AXIN1: variants seen among roughly 807,000 people sequenced by gnomAD.
AXIN1 encodes the protein axin-1.
In AXIN1, 30 loss-of-function variants were observed where a neutral mutation model predicts 76.4. The observed-to-expected ratio is 0.39, with a 90% CI of 0.29 to 0.53. The LOEUF (loss-of-function observed/expected upper bound fraction) is 0.53, where lower values mean the gene tolerates loss of function less well. AXIN1 is among the 20% of genes least tolerant of loss of function. The pLI is 0.66. For synonymous variants in AXIN1, 545 were observed against 501.4 expected, an observed-to-expected ratio of 1.09 and a Z score of -1.16; for missense variants, 1,140 against 1,198.8, an observed-to-expected ratio of 0.95 and a Z score of 0.72.
chr16:304,294 G>T lies in AXIN1; in HGVS notation c.1254+10C>A. The T allele has an allele frequency of 6.2e-7, 1 of 1,610,892 alleles. No homozygotes were observed. ...CGACGCGGAGCGCGACACCGACGCG[G>T]CCCACTCACCATGCGCACGCGCTTC... is the stretch of plus-strand genomic sequence containing the variant. On this transcript the variant is annotated intron_variant, in intron 5 of 10. Transcript: ENST00000262320.
At chr16:338,836 T>C (rs2053857324) in intron 2 of AXIN1, among the ~76,000 whole-genome samples, 1 of 151,616 alleles carries the variant, frequency 6.6e-6, no homozygotes, top group Non-Finnish European at 1.5e-5. Context: ...GACTAGAGAA[T>C]CACTTGAACC....
chr16:335,982 C>G (rs1482923989), intron 2 of AXIN1, among the ~76,000 whole-genome samples: 2 of 152,210 alleles, frequency 1.3e-5, no homozygotes, highest in African/African-American at 2.4e-5. Context: ...CGCCTATAAT[C>G]CTAGCACTTT....
intron 5 of AXIN1, 131 bp downstream of exon 5, chr16:304,173 G>T: frequency 6.7e-7 from 1 of 1,481,854 alleles, no homozygotes; most frequent in Non-Finnish European, 9.2e-7. Flanking sequence ...AGGGGACTCA[G>T]CCGGGAGGCC....
intron 8 of AXIN1, chr16:291,584 C>T: frequency 2.0e-6 from 1 of 512,012 alleles, no homozygotes; most frequent in South Asian, 2.0e-5. Flanking sequence ...TGCTGGGATC[C>T]CACCACCTCA....
chr16:339,689 A>G (rs938385001), intron 2 of AXIN1, among the ~76,000 whole-genome samples: 18 of 152,174 alleles, frequency 1.2e-4, no homozygotes, highest in African/African-American at 3.9e-4. Flanking sequence ...AAAAAAAAAA[A>G]AAAATTCTCT....
chr16:320,815 C>CTACAACCTCCGACTCCTGGG (rs1555482214), intron 2 of AXIN1, among the ~76,000 whole-genome samples: 3 of 143,570 alleles, frequency 2.1e-5, no homozygotes, highest in African/African-American at 5.3e-5. Context: ...TCTCGGCTCA[C>CTACAACCTCCGACTCCTGGG]TACAACCTCC....
chr16:349,300 G>A (rs2054096594), intron 1 of AXIN1, among the ~76,000 whole-genome samples: 1 of 152,042 alleles, frequency 6.6e-6, no homozygotes, highest in Non-Finnish European at 1.5e-5. Context: ...AGTGAGCTGT[G>A]ACATCCTGCT....
Position 320,743 on chromosome 16 carries a change from A to ATATATATATATT in AXIN1, c.879-6061_879-6060insAATATATATATA, listed in dbSNP as rs397722732. Among the ~76,000 whole-genome samples the ATATATATATATT allele has an allele frequency of 1.5e-3, 163 of 107,558 alleles. 1 individual carries two copies. Among genetic ancestry groups the ATATATATATATT allele is most frequent in the African/African-American group, 6.7e-3 (146 of 21,708 alleles). The allele number at this position is 107,558 out of a possible 152,430, so 70.6% of individuals were successfully genotyped here. On this transcript the variant is annotated intron_variant, in intron 2 of 10. Coordinates refer to ENST00000262320, the MANE Select transcript of AXIN1 (RefSeq NM_003502.4). ...TGTGTGTATATATATATATATATAT[A>ATATATATATATT]TTTTTTTTTTTTTTGAGACGGAGCC... is the stretch of plus-strand genomic sequence containing the variant.
At chr16:309,744 C>G (rs950943402) in intron 4 of AXIN1, among the ~76,000 whole-genome samples, 1 of 152,220 alleles carries the variant, frequency 6.6e-6, no homozygotes, top group African/African-American at 2.4e-5. Context: ...CATGGGGGCT[C>G]TTCTGAATGA....
intron 7 of AXIN1, among the ~76,000 whole-genome samples, chr16:295,737 G>A (rs112862104): frequency 2.0e-4 from 31 of 152,142 alleles, no homozygotes; most frequent in African/African-American, 5.1e-4. Flanking sequence ...CGAGGCAGGC[G>A]GATCACCAAA....
At position 333,560 on chromosome 16, in the gene AXIN1, TAAAG is replaced by T. The variant is rs556009033; in HGVS notation, c.878+12584_878+12587del. ...CAGTATTATGAAATAACACTGTTGA[TAAAG>T]AAAACATCCAAAAAATGTCTGGAGG... On this transcript the variant is annotated intron_variant, in intron 2 of 10. Transcript: ENST00000262320. Among the ~76,000 whole-genome samples the T allele has an allele frequency of 2.6e-3, 388 of 151,892 alleles. 2 individuals carry two copies. Among genetic ancestry groups the T allele is most frequent in the Admixed American group, 4.3e-3 (65 of 15,278 alleles).
In AXIN1 at chr16:287,658, G is replaced by A. The variant is rs777554680; in HGVS notation, c.*464C>T. On this transcript the variant is annotated 3_prime_UTR_variant, in exon 11 of 11. Coordinates refer to ENST00000262320, the MANE Select transcript of AXIN1 (RefSeq NM_003502.4). ...GTGCTCCGTCGCCGATTCACACAGT[G>A]GCAGGCAAGAGACAAGCTGTGTTGA... is the stretch of plus-strand genomic sequence containing the variant. 1.9e-5 allele frequency: 6 copies of A among 320,958 alleles called. No individual in the cohort carries two copies. Among genetic ancestry groups the A allele is most frequent in the African/African-American group, 4.2e-5 (2 of 48,142 alleles). 19.9% of individuals were successfully genotyped at this position (320,958 alleles called of 1,614,324 possible). A position where few individuals can be genotyped will look rare whatever the true frequency, so the allele number is the denominator to read the frequency against.
intron 3 of AXIN1, among the ~76,000 whole-genome samples, chr16:311,152 C>T (rs1266346911): frequency 6.6e-6 from 1 of 151,884 alleles, no homozygotes; most frequent in Non-Finnish European, 1.5e-5. Context: ...GCCTCAGCCT[C>T]CCGAGTAGCT....
Position 300,986 on chromosome 16 carries a change from T to C in AXIN1, c.1255-2735A>G, listed in dbSNP as rs546393040. ...CCCAAATTTCACAATGAAAATAGGT[T>C]ATTTAAAAAATCTGGAGTTCACGCC... On this transcript the variant is annotated intron_variant, in intron 5 of 10. Coordinates refer to ENST00000262320, the MANE Select transcript of AXIN1 (RefSeq NM_003502.4). 3.5e-4 allele frequency among the ~76,000 whole-genome samples: 53 copies of C among 152,360 alleles called. 1 individual carries two copies. The South Asian group carries it at 0.01, about 30-fold the overall frequency.
chr16:331,300 A>G (rs1264738647), intron 2 of AXIN1, among the ~76,000 whole-genome samples: 2 of 152,196 alleles, frequency 1.3e-5, no homozygotes, highest in Non-Finnish European at 2.9e-5. Flanking sequence ...AGTAATTTAG[A>G]AACTGCAAGT....
intron 2 of AXIN1, among the ~76,000 whole-genome samples, chr16:342,281 A>C (rs1461285791): frequency 6.6e-6 from 1 of 152,200 alleles, no homozygotes; most frequent in African/African-American, 2.4e-5. Flanking sequence ...GAACGTCAGA[A>C]GGAACAAACT....
intron 2 of AXIN1, among the ~76,000 whole-genome samples, chr16:342,008 C>G (rs1481032600): frequency 6.6e-6 from 1 of 152,220 alleles, no homozygotes; most frequent in Non-Finnish European, 1.5e-5. Context: ...CCACTGGACT[C>G]TACCAATCAG....
chr16:293,288 G>A lies in AXIN1; in HGVS notation c.2186+200C>T, dbSNP rs1414257136. ...CGGCCTCGGGTGTGTGAAAGCTCCAGCCCCAGCCTCCGTCCACCGCAGGGT... is the reference window on the plus strand; with the variant it reads ...CGGCCTCGGGTGTGTGAAAGCTCCAACCCCAGCCTCCGTCCACCGCAGGGT... On this transcript the variant is annotated intron_variant, in intron 8 of 10. Transcript: ENST00000262320. The surrounding 1 kb of genome is among the most constrained non-coding windows in gnomAD (Gnocchi z 4.6). 3.2e-6 allele frequency: 2 copies of A among 622,994 alleles called. No individual in the cohort carries two copies. Among genetic ancestry groups the A allele is most frequent in the East Asian group, 2.8e-5 (1 of 36,338 alleles). 38.6% of individuals were successfully genotyped at this position (622,994 alleles called of 1,614,324 possible). A position where few individuals can be genotyped will look rare whatever the true frequency, so the allele number is the denominator to read the frequency against.
rs1596969787 is a variant in AXIN1, at chr16:290,864, GGGTGGAGGC to G, written c.2294+317_2294+325del. ...GGCAGGGACCGGCCCGTTCCAAGCC[GGGTGGAGGC>G]GCAGGCAGGTCTCTGCCCCACAGGA... On this transcript the variant is annotated intron_variant, in intron 9 of 10. Transcript: ENST00000262320. The G allele has an allele frequency of 1.5e-4, 66 of 445,026 alleles. 1 individual carries two copies. In the East Asian group the frequency reaches 2.9e-3, roughly 20 times the overall value. 27.6% of individuals were successfully genotyped at this position (445,026 alleles called of 1,614,324 possible).
Sources: gnomAD v4.1 joint callset for allele counts (sites outside exome capture counted in the v4.1 genomes callset) on GRCh38, gnomAD v4.1.1 for gene constraint, Gnocchi (gnomAD v3.1) non-coding constraint, MANE v1.5 for transcripts, NCBI Gene and HGNC (gene_info 2026-07-23, HGNC 2026-07-21) for gene names.